Variants in ENPEP observed in about 807,000 individuals in gnomAD.
ENPEP encodes AP-A.
In ENPEP, 103 loss-of-function variants were observed where a neutral mutation model predicts 114.5. The ratio of observed to expected loss-of-function variants is 0.90; its 90% CI spans 0.77 to 1.06. The LOEUF is 1.06. ENPEP is among the 50% of genes least tolerant of loss of function. ENPEP has a pLI of 0.00. For missense variants in ENPEP, 1,196 were observed against 1,161.3 expected, an observed-to-expected ratio of 1.03 and a Z score of -0.43; for synonymous variants, 420 against 422.0, an observed-to-expected ratio of 1.00 and a Z score of 0.06.
At chr4:110,491,494 A>G (rs1724718871) in intron 3 of ENPEP, among the ~76,000 whole-genome samples, 1 of 152,176 alleles carries the variant, frequency 6.6e-6, no homozygotes, top group African/African-American at 2.4e-5. Context: ...GTTTGGGTAT[A>G]TGTGTACCTC....
At chr4:110,487,349 C>T (rs944872804) in intron 1 of ENPEP, among the ~76,000 whole-genome samples, 8 of 152,170 alleles carry the variant, frequency 5.3e-5, no homozygotes, top group African/African-American at 1.7e-4. Flanking sequence ...AAAATTAGTT[C>T]GGCCTATGCT....
At position 110,548,238 on chromosome 4, in the gene ENPEP, A is replaced by AT. The variant is rs762486138; in HGVS notation, c.2069dup (p.Leu690PhefsTer15). 20 of 1,584,080 alleles carry AT rather than the reference A, an allele frequency of 1.3e-5. No homozygotes were observed. The highest frequency in any genetic ancestry group is 7.2e-5 in the Admixed American group (4 of 55,836). On this transcript the variant is annotated frameshift_variant, in exon 14 of 20. Coordinates refer to ENST00000265162, the MANE Select transcript of ENPEP (RefSeq NM_001977.4). LOFTEE classifies it high-confidence loss of function. Reference sequence around the variant, plus strand: ...ACCAAGTATCTCAAAAGGGAAGAGAATTTTTTACCATGGCAGAGAGTAATT... The same window carrying AT: ...ACCAAGTATCTCAAAAGGGAAGAGAATTTTTTTACCATGGCAGAGAGTAATT...
chr4:110,539,227 C>G (rs547679073), intron 11 of ENPEP, among the ~76,000 whole-genome samples: 2 of 152,262 alleles, frequency 1.3e-5, no homozygotes, highest in African/African-American at 4.8e-5. Context: ...AGTGACTTCT[C>G]TCTAGCGCAA....
chr4:110,545,560 T>G (rs1727024226), intron 13 of ENPEP, among the ~76,000 whole-genome samples: 1 of 152,042 alleles, frequency 6.6e-6, no homozygotes, highest in Non-Finnish European at 1.5e-5. Flanking sequence ...GTCACCGTGC[T>G]GCCTCTGGTT....
At position 110,509,814 on chromosome 4, in the gene ENPEP, A is replaced by G; in HGVS notation, c.1194+7A>G. On this transcript the variant is annotated splice_region_variant and intron_variant, in intron 5 of 19. Coordinates refer to ENST00000265162, the MANE Select transcript of ENPEP (RefSeq NM_001977.4). ...CCATGAACTTGTGCATCAGGTACAG[A>G]ATCTTAGCACTGAATCAGCTTGTTT... is the stretch of plus-strand genomic sequence containing the variant. The G allele has an allele frequency of 6.2e-7, 1 of 1,611,598 alleles. No homozygotes were observed. The highest frequency in any genetic ancestry group is 1.1e-5 in the South Asian group (1 of 90,236).
Position 110,506,764 on chromosome 4 carries a change from A to G in ENPEP, c.1039+7A>G. The G allele has an allele frequency of 6.6e-7, 1 of 1,520,992 alleles. No individual in the cohort carries two copies. The highest frequency in any genetic ancestry group is 8.9e-7 in the Non-Finnish European group (1 of 1,117,764). The allele number at this position is 1,520,992 out of a possible 1,614,324, so 94.2% of individuals were successfully genotyped here. On this transcript the variant is annotated splice_region_variant and intron_variant, in intron 4 of 19. Transcript: ENST00000265162. ...TATTCTCTTCCTAAATTAGGTGAGG[A>G]TCATTTTTTAATTTTCTTATTTTTA...
chr4:110,553,586 C>A, intron 18 of ENPEP, 131 bp downstream of exon 18: 1 of 858,354 alleles, frequency 1.2e-6, no homozygotes, highest in South Asian at 3.7e-5. Flanking sequence ...GGTAAAGGAT[C>A]ATGGTATTAT....
At chr4:110,509,942 A>G in intron 5 of ENPEP, 135 bp downstream of exon 5, 1 of 1,228,770 alleles carries the variant, frequency 8.1e-7, no homozygotes, top group East Asian at 2.6e-5. Context: ...CTTTCTTGGT[A>G]CTAATAAACA....
intron 3 of ENPEP, among the ~76,000 whole-genome samples, chr4:110,505,274 TAAC>T (rs1271572010): frequency 6.6e-6 from 1 of 151,996 alleles, no homozygotes; most frequent in East Asian, 1.9e-4. Flanking sequence ...TTTGATTGCT[TAAC>T]AACTATTAGA....
At position 110,513,521 on chromosome 4, in the gene ENPEP, C is replaced by T; in HGVS notation, c.1415C>T (p.Ser472Phe). The T allele has an allele frequency of 6.2e-7, 1 of 1,613,172 alleles. No individual in the cohort carries two copies. The highest frequency in any genetic ancestry group is 8.5e-7 in the Non-Finnish European group (1 of 1,179,502). ...GTGACAACCCCTGATGAAATAACAT[C>T]TGTTTTTGATGGAATATCCTATAGC... Reference protein sequence around the residue: ...VTVTTPDEITSVFDGISYSKG... With the variant: ...VTVTTPDEITFVFDGISYSKG... Residue 472 changes from serine to phenylalanine, a missense_variant, in exon 7 of 20, where the codon TCT becomes TTT. Transcript: ENST00000265162.
At chr4:110,547,813 A>G (rs1238772072) in intron 13 of ENPEP, among the ~76,000 whole-genome samples, 2 of 152,054 alleles carry the variant, frequency 1.3e-5, no homozygotes, top group African/African-American at 4.8e-5. Context: ...TAGTGCCTTT[A>G]TGTGTTAAAA....
chr4:110,554,123 A>G (rs538129103), intron 18 of ENPEP, among the ~76,000 whole-genome samples: 2 of 152,126 alleles, frequency 1.3e-5, no homozygotes, highest in African/African-American at 4.8e-5. Context: ...CAGTTCTTTG[A>G]TAGAGTACAA....
intron 18 of ENPEP, among the ~76,000 whole-genome samples, chr4:110,553,808 G>A (rs1392532729): frequency 4.6e-5 from 7 of 151,974 alleles, no homozygotes; most frequent in Non-Finnish European, 8.8e-5. Context: ...TTTGATTAAA[G>A]CTAGGTAAAA....
chr4:110,504,477 G>A (rs1304280007), intron 3 of ENPEP, among the ~76,000 whole-genome samples: 1 of 152,100 alleles, frequency 6.6e-6, no homozygotes, highest in Non-Finnish European at 1.5e-5. Flanking sequence ...TGCTGCTACT[G>A]GGAATGTTCA....
At position 110,549,558 on chromosome 4, in the gene ENPEP, G is replaced by A. The variant is rs773981219; in HGVS notation, c.2256G>A (p.Ala752=). The change falls in exon 16 of 20, where the codon GCG becomes GCA. Residue 752 remains alanine, a synonymous_variant. Transcript: ENST00000265162. ...KLLRSSVLGF[A]CKMGDREALN... is the part of the protein sequence containing the mutation. ...TCCGTTCCTCCGTGTTAGGGTTTGC[G>A]TGCAAGATGGGAGACAGAGAAGCCT... The A allele has an allele frequency of 1.2e-6, 2 of 1,613,564 alleles. No homozygotes were observed. The highest frequency in any genetic ancestry group is 1.1e-5 in the South Asian group (1 of 91,078).
intron 8 of ENPEP, among the ~76,000 whole-genome samples, chr4:110,517,729 A>G (rs563849128): frequency 1.3e-5 from 2 of 152,342 alleles, no homozygotes; most frequent in East Asian, 3.9e-4. Context: ...ACTATGAAGA[A>G]TAGATATTAA....
intron 18 of ENPEP, among the ~76,000 whole-genome samples, chr4:110,557,825 C>T (rs564357524): frequency 4.2e-4 from 64 of 152,262 alleles, no homozygotes; most frequent in African/African-American, 1.5e-3. Flanking sequence ...GGATCTGGTA[C>T]ACTGAAATCA....
chr4:110,558,270 T>TTATATATA lies in ENPEP; in HGVS notation c.2643-1360_2643-1353dup, dbSNP rs5861011. Among the ~76,000 whole-genome samples, 1,089 of 141,626 alleles carry TTATATATA rather than the reference T, an allele frequency of 7.7e-3. 19 individuals are homozygous for TTATATATA. Among genetic ancestry groups the TTATATATA allele is most frequent in the African/African-American group, 0.027 (1,026 of 38,048 alleles). 92.9% of individuals were successfully genotyped at this position (141,626 alleles called of 152,430 possible). Reference sequence around the variant, plus strand: ...TGGAAACATTTAATATTTATAAAAATTATATATATATATATATATATATAA... The same window carrying TTATATATA: ...TGGAAACATTTAATATTTATAAAAATTATATATATATATATATATATATATATATATAA... On this transcript the variant is annotated intron_variant, in intron 18 of 19. Transcript: ENST00000265162.
chr4:110,533,136 C>T (rs1236608829), intron 11 of ENPEP: 1 of 447,074 alleles, frequency 2.2e-6, no homozygotes. Context: ...TTACTGTTTA[C>T]AAGTTTGAAA....
Sources: gnomAD v4.1 joint callset for allele counts (sites outside exome capture counted in the v4.1 genomes callset) on GRCh38, gnomAD v4.1.1 for gene constraint, MANE v1.5 for transcripts, NCBI Gene and HGNC (gene_info 2026-07-23, HGNC 2026-07-21) for gene names.